The following MLLT1 variants were observed in gnomAD, a reference collection of about 807,000 sequenced individuals.
The protein encoded by MLLT1 is protein ENL.
In MLLT1, 11 loss-of-function variants were observed where a neutral mutation model predicts 55.1. That is an observed-to-expected ratio of 0.20 (90% CI 0.13 to 0.33). MLLT1 has a LOEUF of 0.33. Ranked by LOEUF, MLLT1 falls within the 10% of genes least tolerant of loss-of-function variation. MLLT1 has a pLI of 1.00. For synonymous variants in MLLT1, 323 were observed against 320.1 expected, an observed-to-expected ratio of 1.01 and a Z score of -0.10; for missense variants, 536 against 760.6, an observed-to-expected ratio of 0.70 and a Z score of 3.47.
At chr19:6,274,049 G>A (rs2091414677) in intron 1 of MLLT1, among the ~76,000 whole-genome samples, 4 of 152,256 alleles carry the variant, frequency 2.6e-5, no homozygotes, top group Admixed American at 2.6e-4. Flanking sequence ...TGCTGCCCAG[G>A]CGACACTGAT....
At chr19:6,218,498 G>A (rs1189959960) in intron 6 of MLLT1, among the ~76,000 whole-genome samples, 2 of 152,236 alleles carry the variant, frequency 1.3e-5, no homozygotes, top group African/African-American at 4.8e-5. Flanking sequence ...GTGCTGTCCG[G>A]GGCTCAGGGG....
At chr19:6,243,140 C>T (rs370665410) in intron 3 of MLLT1, among the ~76,000 whole-genome samples, 12 of 152,230 alleles carry the variant, frequency 7.9e-5, no homozygotes, top group African/African-American at 2.7e-4. Context: ...CTGCTGGGAA[C>T]GTAAAGCGGG....
At chr19:6,260,997 A>G (rs938636397) in intron 3 of MLLT1, among the ~76,000 whole-genome samples, 1 of 152,212 alleles carries the variant, frequency 6.6e-6, no homozygotes, top group African/African-American at 2.4e-5. Flanking sequence ...TGGGCTGTGG[A>G]GCACCTTTGC....
In MLLT1 at chr19:6,260,293, C is replaced by G. The variant is rs563651459; in HGVS notation, c.276+1935G>C. Among the ~76,000 whole-genome samples, 5 of 152,310 alleles carry G rather than the reference C, an allele frequency of 3.3e-5. No homozygotes were observed. The East Asian group carries it at 9.6e-4, about 29-fold the overall frequency. On this transcript the variant is annotated intron_variant, in intron 3 of 11. Transcript: ENST00000252674. The stretch of plus-strand genomic sequence containing the variant: ...GGGCCAGGATGCAAGGGTGGAGCTT[C>G]AGGAAGTCAGGACAGAAACAGCCCT...
chr19:6,270,513 T>C lies in MLLT1; in HGVS notation c.193+66A>G. 1.3e-6 allele frequency: 2 copies of C among 1,508,244 alleles called. No individual in the cohort carries two copies. Among genetic ancestry groups the C allele is most frequent in the African/African-American group, 1.4e-5 (1 of 72,500 alleles). 93.4% of individuals were successfully genotyped at this position (1,508,244 alleles called of 1,614,324 possible). A position where few individuals can be genotyped will look rare whatever the true frequency, so the allele number is the denominator to read the frequency against. ...CTGCTCCTGAGGGAGGGGTGGAGCC[T>C]GGCCTTGGGAGGAGTGAAGACAGAT... On this transcript the variant is annotated intron_variant, in intron 2 of 11. Transcript: ENST00000252674. The surrounding 1 kb of genome is among the most constrained non-coding windows in gnomAD (Gnocchi z 7.1).
chr19:6,260,634 C>T (rs1031858485), intron 3 of MLLT1, among the ~76,000 whole-genome samples: 5 of 152,378 alleles, frequency 3.3e-5, no homozygotes, highest in Admixed American at 1.3e-4. Flanking sequence ...GCCACCAGTC[C>T]CCAGGTGGCT....
chr19:6,221,655 G>T (rs1282535292), intron 6 of MLLT1, among the ~76,000 whole-genome samples: 1 of 152,200 alleles, frequency 6.6e-6, no homozygotes, highest in Admixed American at 6.5e-5. Context: ...ATGGCTAGGG[G>T]CTGTCTGAAG....
In MLLT1 at chr19:6,212,660, C is replaced by T. The variant is rs953107535; in HGVS notation, c.*382G>A. The T allele has an allele frequency of 4.5e-6, 5 of 1,108,684 alleles. No individual in the cohort carries two copies. Among genetic ancestry groups the T allele is most frequent in the South Asian group, 3.7e-5 (1 of 26,824 alleles). 68.7% of individuals were successfully genotyped at this position (1,108,684 alleles called of 1,614,324 possible). On this transcript the variant is annotated 3_prime_UTR_variant, in exon 12 of 12. Coordinates refer to ENST00000252674, the MANE Select transcript of MLLT1 (RefSeq NM_005934.4). ...CGGGAGGCTGGAGATGCCCCCCAGCCGTCGATCCGCTGCTCAGAAAGGCTG... is the reference window on the plus strand; with the variant it reads ...CGGGAGGCTGGAGATGCCCCCCAGCTGTCGATCCGCTGCTCAGAAAGGCTG...
At position 6,235,129 on chromosome 19, in the gene MLLT1, C is replaced by T. The variant is rs1189989712; in HGVS notation, c.277-4416G>A. Among the ~76,000 whole-genome samples the T allele has an allele frequency of 2.0e-5, 3 of 152,196 alleles. No individual in the cohort carries two copies. Among genetic ancestry groups the T allele is most frequent in the Non-Finnish European group, 4.4e-5 (3 of 68,036 alleles). On this transcript the variant is annotated intron_variant, in intron 3 of 11. Coordinates refer to ENST00000252674, the MANE Select transcript of MLLT1 (RefSeq NM_005934.4). This position sits in a 1 kb window ranked among gnomAD's most constrained non-coding sequence, Gnocchi z 5.5. ...ACCAGGAGGGCAGCGCAGGCTGGAA[C>T]GGGCTTGGCTGTGCAGGGACCACCT...
rs1435152582 is a variant in MLLT1, at chr19:6,212,721, GGCT to G, written c.*318_*320del. 1.7e-6 allele frequency: 2 copies of G among 1,156,444 alleles called. No individual in the cohort carries two copies. Among genetic ancestry groups the G allele is most frequent in the Non-Finnish European group, 2.1e-6 (2 of 933,138 alleles). The allele number at this position is 1,156,444 out of a possible 1,614,324, so 71.6% of individuals were successfully genotyped here. Reference sequence around the variant, plus strand: ...GCCGCACAGCCCGCCGAGCAGTGGGGGCTGGTCCCAAGGCTGGGCGAGGGGCCC... The same window carrying G: ...GCCGCACAGCCCGCCGAGCAGTGGGGGGTCCCAAGGCTGGGCGAGGGGCCC... On this transcript the variant is annotated 3_prime_UTR_variant, in exon 12 of 12. Coordinates refer to ENST00000252674, the MANE Select transcript of MLLT1 (RefSeq NM_005934.4).
rs2091054909 is a variant in MLLT1 at position 6,235,751 on chromosome 19, T to G, written c.277-5038A>C. The stretch of plus-strand genomic sequence containing the variant: ...TTTCAGGCACGGTATCTCCATGGGC[T>G]CAGGGCTCACCCTAGCCCACCAATG... On this transcript the variant is annotated intron_variant, in intron 3 of 11. Coordinates refer to ENST00000252674, the MANE Select transcript of MLLT1 (RefSeq NM_005934.4). This position sits in a 1 kb window ranked among gnomAD's most constrained non-coding sequence, Gnocchi z 5.5. Among the ~76,000 whole-genome samples the G allele has an allele frequency of 6.6e-6, 1 of 152,124 alleles. No individual in the cohort carries two copies.
intron 1 of MLLT1, among the ~76,000 whole-genome samples, chr19:6,275,780 G>T (rs767885763): frequency 4.5e-4 from 68 of 152,344 alleles, no homozygotes; most frequent in Admixed American, 9.1e-4. Context: ...TCTAAGAGTG[G>T]TGTGTAGACC....
intron 6 of MLLT1, among the ~76,000 whole-genome samples, chr19:6,220,222 C>CGGCCAAGGGGA (rs1282647212): frequency 6.6e-6 from 1 of 152,232 alleles, no homozygotes; most frequent in African/African-American, 2.4e-5. Context: ...CAGCCCAAGA[C>CGGCCAAGGGGA]GGCCAAGGGG....
chr19:6,214,471 C>A (rs1184954088), intron 8 of MLLT1, among the ~76,000 whole-genome samples: 1 of 152,200 alleles, frequency 6.6e-6, no homozygotes, highest in Non-Finnish European at 1.5e-5. Context: ...GGCCGCCTGA[C>A]CCTGGTTTGC....
At chr19:6,223,629 G>A (rs2090925827) in intron 5 of MLLT1, among the ~76,000 whole-genome samples, 1 of 152,200 alleles carries the variant, frequency 6.6e-6, no homozygotes, top group Non-Finnish European at 1.5e-5. Flanking sequence ...CGAGCACACA[G>A]TGTGGGGGCT....
At position 6,214,052 on chromosome 19, in the gene MLLT1, CG is replaced by C; in HGVS notation, c.1308-15del. On this transcript the variant is annotated splice_polypyrimidine_tract_variant and intron_variant, in intron 8 of 11. Coordinates refer to ENST00000252674, the MANE Select transcript of MLLT1 (RefSeq NM_005934.4). ...CTGAAGCTCAACCTGAACCGACACA[CG>C]GGGGCGCATCAGGCCCCTGCCGCCA... The C allele has an allele frequency of 7.1e-7, 1 of 1,410,792 alleles. No individual in the cohort carries two copies. The highest frequency in any genetic ancestry group is 9.3e-7 in the Non-Finnish European group (1 of 1,080,530). The allele number at this position is 1,410,792 out of a possible 1,614,324, so 87.4% of individuals were successfully genotyped here. A position where few individuals can be genotyped will look rare whatever the true frequency, so the allele number is the denominator to read the frequency against.
intron 3 of MLLT1, among the ~76,000 whole-genome samples, chr19:6,244,829 G>A (rs946294972): frequency 1.3e-5 from 2 of 152,086 alleles, no homozygotes; most frequent in African/African-American, 4.8e-5. Flanking sequence ...ATAAGCACAT[G>A]AAAACGATGC....
intron 2 of MLLT1, among the ~76,000 whole-genome samples, chr19:6,265,539 G>A (rs977535238): frequency 6.6e-6 from 1 of 152,138 alleles, no homozygotes; most frequent in African/African-American, 2.4e-5. Flanking sequence ...GTGAGGTGGT[G>A]CACGCCTGTA....
chr19:6,272,799 C>A (rs1189547217), intron 1 of MLLT1, among the ~76,000 whole-genome samples: 1 of 152,200 alleles, frequency 6.6e-6, no homozygotes, highest in East Asian at 1.9e-4. Context: ...TAAGGACAGG[C>A]CAGTTCCAGC....
Sources: allele counts gnomAD v4.1 joint callset (sites outside exome capture counted in the v4.1 genomes callset), GRCh38; gene constraint gnomAD v4.1.1; non-coding constraint Gnocchi (gnomAD v3.1); transcripts MANE v1.5; gene names NCBI Gene and HGNC (gene_info 2026-07-23, HGNC 2026-07-21).